The following EEF1AKMT1 variants were observed in gnomAD, a reference collection of about 807,000 sequenced individuals.
EEF1AKMT1 encodes the protein EEF1A lysine methyltransferase 1, also known as N-6 adenine-specific DNA methyltransferase 2 (putative).
A neutral mutation model predicts 21.0 loss-of-function variants in EEF1AKMT1; 18 were observed. That is an observed-to-expected ratio of 0.86 (90% CI 0.59 to 1.27). The LOEUF (loss-of-function observed/expected upper bound fraction) is 1.27, where lower values mean the gene tolerates loss of function less well. EEF1AKMT1 is among the 50% of genes most tolerant of loss of function. The pLI is 0.00. For synonymous variants in EEF1AKMT1, 109 were observed against 94.8 expected (o/e 1.15, Z -0.87); for missense variants, 246 against 258.6 (o/e 0.95, Z 0.33).
chr13:20,748,715 G>GGTTTGT (rs1555326495), intron 2 of EEF1AKMT1, among the ~76,000 whole-genome samples: 1 of 105,810 alleles, frequency 9.5e-6, no homozygotes, highest in African/African-American at 3.7e-5. Context: ...ATGTATAGTT[G>GGTTTGT]TTTTTTTTTG....
intron 2 of EEF1AKMT1, among the ~76,000 whole-genome samples, chr13:20,751,269 C>T (rs1292524496): frequency 1.3e-5 from 2 of 152,060 alleles, no homozygotes; most frequent in African/African-American, 2.4e-5. Flanking sequence ...TGAAGTGTGT[C>T]CCTTATGTTT....
In EEF1AKMT1 at chr13:20,771,122, T is replaced by C. The variant is rs1486587129; in HGVS notation, c.-20+2799A>G. On this transcript the variant is annotated intron_variant, in intron 1 of 4. Coordinates refer to ENST00000382758, the MANE Select transcript of EEF1AKMT1 (RefSeq NM_001318939.2). ...CCTCGATTCAAGTGATCTACCCACC[T>C]TGTTCTCCCAAAGTGCTAAGATTAC... 2.6e-5 allele frequency among the ~76,000 whole-genome samples: 4 copies of C among 152,282 alleles called. No homozygotes were observed. The South Asian group carries it at 8.3e-4, about 32-fold the overall frequency.
intron 2 of EEF1AKMT1, among the ~76,000 whole-genome samples, chr13:20,751,694 G>T (rs922537918): frequency 1.3e-5 from 2 of 151,356 alleles, no homozygotes; most frequent in African/African-American, 4.9e-5. Context: ...TGTGAAAAAT[G>T]ACATTAGTAT....
intron 2 of EEF1AKMT1, among the ~76,000 whole-genome samples, chr13:20,752,154 A>G (rs2058944991): frequency 6.6e-6 from 1 of 152,016 alleles, no homozygotes; most frequent in Admixed American, 6.6e-5. Flanking sequence ...TTGTTGCCCG[A>G]TTGTCCTAGT....
chr13:20,737,440 A>T (rs896583541), intron 3 of EEF1AKMT1, among the ~76,000 whole-genome samples: 15 of 152,234 alleles, frequency 9.9e-5, no homozygotes, highest in African/African-American at 3.6e-4. Flanking sequence ...TTAAAACTTC[A>T]AAAAGGTAAG....
At chr13:20,737,522 A>G (rs1019835927) in intron 3 of EEF1AKMT1, among the ~76,000 whole-genome samples, 6 of 152,256 alleles carry the variant, frequency 3.9e-5, no homozygotes, top group Non-Finnish European at 8.8e-5. Flanking sequence ...AAAGGAAGAG[A>G]TAAGACATTC....
At chr13:20,742,735 C>T (rs1386662022) in intron 2 of EEF1AKMT1, among the ~76,000 whole-genome samples, 2 of 152,190 alleles carry the variant, frequency 1.3e-5, no homozygotes, top group East Asian at 1.9e-4. Flanking sequence ...TCTTAGCTGC[C>T]TCTTACTGAG....
chr13:20,733,188 C>T (rs1439221623), intron 3 of EEF1AKMT1, among the ~76,000 whole-genome samples: 6 of 150,270 alleles, frequency 4.0e-5, no homozygotes, highest in South Asian at 2.1e-4. Context: ...CTCTGCCTTC[C>T]GGGTTCAAGC....
chr13:20,761,892 C>A (rs548898126), intron 1 of EEF1AKMT1, among the ~76,000 whole-genome samples: 1 of 152,058 alleles, frequency 6.6e-6, no homozygotes, highest in East Asian at 1.9e-4. Flanking sequence ...ATCACTTGAG[C>A]CTAGGAGCAG....
chr13:20,734,205 A>G (rs1329798447), intron 3 of EEF1AKMT1, among the ~76,000 whole-genome samples: 1 of 152,220 alleles, frequency 6.6e-6, no homozygotes, highest in Admixed American at 6.5e-5. Flanking sequence ...TCAGACAACA[A>G]AATTGCCTCC....
intron 4 of EEF1AKMT1, 69 bp from the exon 5 acceptor site, chr13:20,729,285 T>C: frequency 3.8e-6 from 6 of 1,579,960 alleles, no homozygotes; most frequent in East Asian, 2.2e-5. Flanking sequence ...TCCTGAGCTG[T>C]GAGAGGGGCT....
At chr13:20,755,267 G>A (rs950622520) in intron 2 of EEF1AKMT1, among the ~76,000 whole-genome samples, 1 of 152,256 alleles carries the variant, frequency 6.6e-6, no homozygotes, top group Non-Finnish European at 1.5e-5. Context: ...GGGCTCCAGA[G>A]ATGTGGAGAT....
At chr13:20,760,123 A>AAAAG (rs1555327133) in intron 1 of EEF1AKMT1, among the ~76,000 whole-genome samples, 15,607 of 126,480 alleles carry the variant, frequency 0.12, 1,604 homozygotes, top group African/African-American at 0.17. Flanking sequence ...AAAAAAAAAA[A>AAAAG]AAGTCAAAAA....
rs7330315 is a variant in EEF1AKMT1, at chr13:20,760,451, A to G, written c.-19-2834T>C. Among the ~76,000 whole-genome samples the G allele has an allele frequency of 5.9e-3, 904 of 152,296 alleles. 34 individuals are homozygous for G. The highest frequency in any genetic ancestry group is 0.05 in the Admixed American group (767 of 15,300). ...TTAAAAGAGAAACAGAAAACCAAAT[A>G]CCACATGCTCTCACTTGTAGACGGG... is the stretch of plus-strand genomic sequence containing the variant. On this transcript the variant is annotated intron_variant, in intron 1 of 4. Coordinates refer to ENST00000382758, the MANE Select transcript of EEF1AKMT1 (RefSeq NM_001318939.2).
intron 1 of EEF1AKMT1, among the ~76,000 whole-genome samples, chr13:20,766,559 C>A (rs1288805554): frequency 1.3e-5 from 2 of 151,628 alleles, no homozygotes; most frequent in East Asian, 2.0e-4. Context: ...CGGTGGCTCA[C>A]GTCTGTAATC....
chr13:20,758,309 C>T (rs190265497), intron 1 of EEF1AKMT1, among the ~76,000 whole-genome samples: 12 of 152,300 alleles, frequency 7.9e-5, no homozygotes, highest in African/African-American at 2.4e-4. Context: ...AATAACTTAA[C>T]TCTTTCAACC....
At chr13:20,762,008 G>A (rs1292279914) in intron 1 of EEF1AKMT1, among the ~76,000 whole-genome samples, 1 of 152,060 alleles carries the variant, frequency 6.6e-6, no homozygotes, top group African/African-American at 2.4e-5. Context: ...GCTGTGGTGG[G>A]AGGATCACTT....
intron 1 of EEF1AKMT1, among the ~76,000 whole-genome samples, chr13:20,767,284 C>A (rs1032220837): frequency 1.7e-5 from 2 of 114,928 alleles, no homozygotes; most frequent in Non-Finnish European, 3.3e-5. Flanking sequence ...CCTGCCTGGG[C>A]GACAAAGCGA....
At chr13:20,732,246 A>T (rs1158962100) in intron 3 of EEF1AKMT1, 125 bp from the exon 4 acceptor site, 1 of 1,008,712 alleles carries the variant, frequency 9.9e-7, no homozygotes, top group East Asian at 2.5e-5. Context: ...CAATAATGCA[A>T]ACTAGTGTAA....
Sources: allele counts gnomAD v4.1 joint callset (sites outside exome capture counted in the v4.1 genomes callset), GRCh38; gene constraint gnomAD v4.1.1; transcripts MANE v1.5; gene names NCBI Gene and HGNC (gene_info 2026-07-23, HGNC 2026-07-21).